The following DPPA2 variants were observed in gnomAD, a reference collection of about 807,000 sequenced individuals.
The protein encoded by DPPA2 is developmental pluripotency-associated protein 2.
In DPPA2, 26 loss-of-function variants were observed where a neutral mutation model predicts 36.2. That is an observed-to-expected ratio of 0.72 (90% CI 0.53 to 1.00). The LOEUF (loss-of-function observed/expected upper bound fraction) is 1.00. Ranked by LOEUF, DPPA2 falls within the 50% of genes least tolerant of loss-of-function variation. DPPA2 has a pLI of 0.00. For synonymous variants in DPPA2, 113 were observed against 123.2 expected (o/e 0.92, Z 0.55); for missense variants, 361 against 365.1 (o/e 0.99, Z 0.09).
At chr3:109,295,995 A>C (rs1430373812) in intron 8 of DPPA2, among the ~76,000 whole-genome samples, 1 of 152,232 alleles carries the variant, frequency 6.6e-6, no homozygotes, top group Non-Finnish European at 1.5e-5. Flanking sequence ...AAACCTCCAA[A>C]ACTGAAAAGC....
intron 8 of DPPA2, chr3:109,295,160 ATATTT>A (rs1289204854): frequency 1.3e-5 from 2 of 152,132 alleles, no homozygotes; most frequent in African/African-American, 2.4e-5. Flanking sequence ...GTTCACATTA[ATATTT>A]TAAGTAACAA....
chr3:109,303,423 T>C (rs960488913), intron 7 of DPPA2, among the ~76,000 whole-genome samples: 5 of 151,092 alleles, frequency 3.3e-5, no homozygotes, highest in Non-Finnish European at 7.4e-5. Flanking sequence ...CAGGCTGGAG[T>C]GCAATGGCAC....
At chr3:109,310,220 C>T (rs1244520434) in intron 3 of DPPA2, among the ~76,000 whole-genome samples, 3 of 134,358 alleles carry the variant, frequency 2.2e-5, no homozygotes, top group Non-Finnish European at 3.1e-5. Context: ...AAGAGTAAAA[C>T]TCCGTCTCAA....
At position 109,314,569 on chromosome 3, in the gene DPPA2, G is replaced by A; in HGVS notation, c.-13-14C>T. ...TTCAGCAACACCCTGGGGAAGGCAA[G>A]GACAGCAATGTTAAGGATATGGTAG... is the stretch of plus-strand genomic sequence containing the variant. On this transcript the variant is annotated splice_polypyrimidine_tract_variant and intron_variant, in intron 1 of 8. Transcript: ENST00000478945. The A allele has an allele frequency of 1.2e-6, 2 of 1,606,970 alleles. No individual in the cohort carries two copies. The highest frequency in any genetic ancestry group is 2.2e-5 in the South Asian group (2 of 90,002).
At position 109,304,464 on chromosome 3, in the gene DPPA2, A is replaced by G. The variant is rs753949011; in HGVS notation, c.854+11T>C. The G allele has an allele frequency of 5.3e-5, 85 of 1,600,702 alleles. No homozygotes were observed. The highest frequency in any genetic ancestry group is 1.7e-4 in the Middle Eastern group (1 of 5,998). ...CTGTGTGCCATGCTTAACAAGATAC[A>G]TAAGGGTTACCTCTTAGCACAGTCG... On this transcript the variant is annotated intron_variant, in intron 7 of 8. Coordinates refer to ENST00000478945, the MANE Select transcript of DPPA2 (RefSeq NM_138815.4).
intron 7 of DPPA2, among the ~76,000 whole-genome samples, chr3:109,302,848 T>C (rs1707480522): frequency 6.6e-6 from 1 of 152,036 alleles, no homozygotes; most frequent in South Asian, 2.1e-4. Flanking sequence ...TTTTTACTCA[T>C]GGATGGACAT....
intron 8 of DPPA2, among the ~76,000 whole-genome samples, chr3:109,297,123 G>C (rs758900105): frequency 5.9e-5 from 9 of 151,968 alleles, no homozygotes; most frequent in Non-Finnish European, 1.0e-4. Flanking sequence ...AATAAAAATT[G>C]TGCAGAAGAC....
At chr3:109,298,171 G>T (rs1425743801) in intron 8 of DPPA2, among the ~76,000 whole-genome samples, 1 of 152,122 alleles carries the variant, frequency 6.6e-6, no homozygotes, top group Admixed American at 6.6e-5. Flanking sequence ...GATTTCTAAG[G>T]TAGTGAAACT....
chr3:109,314,101 T>C (rs945277129), intron 2 of DPPA2, among the ~76,000 whole-genome samples: 1 of 152,200 alleles, frequency 6.6e-6, no homozygotes, highest in Non-Finnish European at 1.5e-5. Flanking sequence ...TTTATCCACA[T>C]TACCGCCTTC....
chr3:109,302,764 A>AT (rs1404999916), intron 7 of DPPA2, among the ~76,000 whole-genome samples: 1 of 151,792 alleles, frequency 6.6e-6, no homozygotes, highest in Non-Finnish European at 1.5e-5. Flanking sequence ...CAAAAAAAAA[A>AT]AAAAAAAGCC....
At chr3:109,296,656 C>G (rs559305369) in intron 8 of DPPA2, among the ~76,000 whole-genome samples, 1 of 141,190 alleles carries the variant, frequency 7.1e-6, no homozygotes, top group East Asian at 2.1e-4. Flanking sequence ...GCTGGGAAAA[C>G]AAGAGCAAAA....
At position 109,300,283 on chromosome 3, in the gene DPPA2, C is replaced by CA. The variant is rs144859048; in HGVS notation, c.*22+87dup. On this transcript the variant is annotated intron_variant, in intron 8 of 8. Transcript: ENST00000478945. ...TGTTTTTTAGTGAATAGGGGGAAGG[C>CA]AGAGAGTTTCTCTTGTATGTGACTC... The CA allele has an allele frequency of 3.1e-3, 3,246 of 1,055,008 alleles. 64 individuals are homozygous for CA. The African/African-American group carries it at 0.041, about 13-fold the overall frequency. 65.4% of individuals were successfully genotyped at this position (1,055,008 alleles called of 1,614,324 possible).
chr3:109,310,833 G>T (rs1707696616), intron 3 of DPPA2, among the ~76,000 whole-genome samples: 1 of 151,430 alleles, frequency 6.6e-6, no homozygotes, highest in African/African-American at 2.4e-5. Context: ...ACAGGGTCTT[G>T]CTCTGTCACC....
chr3:109,296,871 T>G (rs1707360061), intron 8 of DPPA2, among the ~76,000 whole-genome samples: 1 of 151,996 alleles, frequency 6.6e-6, no homozygotes, highest in African/African-American at 2.4e-5. Context: ...ATGGATCACT[T>G]GAGCCAGGAG....
chr3:109,312,771 A>G, intron 2 of DPPA2, 79 bp from the exon 3 acceptor site: 2 of 1,547,356 alleles, frequency 1.3e-6, no homozygotes, highest in African/African-American at 1.4e-5. Context: ...AAAGTCATGA[A>G]TAAGGAACTG....
intron 2 of DPPA2, 45 bp from the exon 3 acceptor site, chr3:109,312,737 A>G (rs767057681): frequency 1.3e-6 from 2 of 1,596,494 alleles, no homozygotes; most frequent in Admixed American, 1.7e-5. Context: ...ATGCGGTACA[A>G]CTAAACTGCT....
rs1053872442 is a variant in DPPA2 at position 109,304,761 on chromosome 3, T to C, written c.659-91A>G. ...AGTCACTCTTGAATTTGCTCTTGTA[T>C]TCTGCTCACAAATCAATTGAATGAG... is the stretch of plus-strand genomic sequence containing the variant. On this transcript the variant is annotated intron_variant, in intron 6 of 8. Transcript: ENST00000478945. 7 of 1,311,778 alleles carry C rather than the reference T, an allele frequency of 5.3e-6. No individual in the cohort carries two copies. In the African/African-American group the frequency reaches 6.0e-5, roughly 11 times the overall value. The allele number at this position is 1,311,778 out of a possible 1,614,324, so 81.3% of individuals were successfully genotyped here.
Position 109,309,250 on chromosome 3 carries a change from T to C in DPPA2, c.262A>G (p.Ile88Val). The C allele has an allele frequency of 1.2e-6, 2 of 1,614,118 alleles. No individual in the cohort carries two copies. The highest frequency in any genetic ancestry group is 1.7e-6 in the Non-Finnish European group (2 of 1,180,018). ...CKIPALPLPT[I>V]LPPINKVCRD... ...CACACCTTATTAATGGGAGGCAAAA[T>C]GGTCGGCAAGGGAAGGGCTGGTATT... The change falls in exon 4 of 9, where the codon ATT becomes GTT. Residue 88 changes from isoleucine to valine, a missense_variant. Coordinates refer to ENST00000478945, the MANE Select transcript of DPPA2 (RefSeq NM_138815.4).
intron 1 of DPPA2, among the ~76,000 whole-genome samples, chr3:109,315,102 C>T (rs1707768179): frequency 6.6e-6 from 1 of 152,064 alleles, no homozygotes; most frequent in Non-Finnish European, 1.5e-5. Flanking sequence ...ATAGGTGAAA[C>T]TTGAAAGAAA....
Sources: allele counts gnomAD v4.1 joint callset (sites outside exome capture counted in the v4.1 genomes callset), GRCh38; gene constraint gnomAD v4.1.1; transcripts MANE v1.5; gene names NCBI Gene and HGNC (gene_info 2026-07-23, HGNC 2026-07-21).